Variants in NELL1 observed in about 807,000 individuals in gnomAD.
NELL1 encodes the protein protein kinase C-binding protein NELL1.
A neutral mutation model predicts 107.4 loss-of-function variants in NELL1; 76 were observed. That is an observed-to-expected ratio of 0.71 (90% CI 0.59 to 0.86). The LOEUF is 0.86. NELL1 is among the 40% of genes least tolerant of loss of function. The pLI is 0.00. For missense variants in NELL1, 1,024 were observed against 1,005.5 expected (o/e 1.02, Z -0.25); for synonymous variants, 353 against 341.2 (o/e 1.03, Z -0.38).
intron 2 of NELL1, among the ~76,000 whole-genome samples, chr11:20,683,434 A>T (rs1043375714): frequency 6.6e-6 from 1 of 152,012 alleles, no homozygotes; most frequent in Non-Finnish European, 1.5e-5. Flanking sequence ...ATAATTCCCT[A>T]TAGGTAGTGT....
At chr11:21,274,905 G>T (rs1000967793) in intron 14 of NELL1, among the ~76,000 whole-genome samples, 2 of 152,088 alleles carry the variant, frequency 1.3e-5, no homozygotes, top group African/African-American at 4.8e-5. Context: ...AAGCAGTTTG[G>T]AGAGGGAAAT....
At chr11:20,784,232 C>G (rs1264141578) in intron 3 of NELL1, among the ~76,000 whole-genome samples, 1 of 152,058 alleles carries the variant, frequency 6.6e-6, no homozygotes. Context: ...ATCACATAAG[C>G]TAGTAGGGAA....
intron 14 of NELL1, among the ~76,000 whole-genome samples, chr11:21,311,951 A>T (rs1019353878): frequency 6.6e-6 from 1 of 152,144 alleles, no homozygotes; most frequent in Non-Finnish European, 1.5e-5. Flanking sequence ...CCTTTTCAAC[A>T]GTGGGATTAG....
intron 14 of NELL1, among the ~76,000 whole-genome samples, chr11:21,304,956 A>T (rs2133631815): frequency 6.6e-6 from 1 of 152,140 alleles, no homozygotes; most frequent in African/African-American, 2.4e-5. Flanking sequence ...TACTGGTATT[A>T]GAATGATTTT....
chr11:21,352,802 G>A (rs762891214), intron 14 of NELL1, among the ~76,000 whole-genome samples: 3 of 152,056 alleles, frequency 2.0e-5, no homozygotes, highest in Non-Finnish European at 4.4e-5. Context: ...AGTCCTTGAG[G>A]CCCAAATGTT....
chr11:20,802,095 T>G (rs1033605717), intron 3 of NELL1, among the ~76,000 whole-genome samples: 1 of 152,080 alleles, frequency 6.6e-6, no homozygotes, highest in South Asian at 2.1e-4. Flanking sequence ...AGTTTAGGAT[T>G]TTTTTTTCTA....
intron 12 of NELL1, among the ~76,000 whole-genome samples, chr11:21,012,417 CCTG>C (rs1370300302): frequency 6.6e-6 from 1 of 152,062 alleles, no homozygotes; most frequent in Non-Finnish European, 1.5e-5. Flanking sequence ...TCATCAGAAA[CCTG>C]CTCACCCCCA....
intron 15 of NELL1, among the ~76,000 whole-genome samples, chr11:21,413,100 AC>A (rs1284107517): frequency 3.3e-5 from 5 of 152,184 alleles, no homozygotes; most frequent in South Asian, 2.1e-4. Context: ...AACAACAACA[AC>A]AAAAAACCCT....
intron 13 of NELL1, among the ~76,000 whole-genome samples, chr11:21,202,144 A>G (rs1366094799): frequency 1.3e-5 from 2 of 152,198 alleles, no homozygotes; most frequent in East Asian, 1.9e-4. Flanking sequence ...GCCTCATAAA[A>G]TGAGTTAGAG....
At chr11:20,853,200 G>A (rs1017088515) in intron 4 of NELL1, among the ~76,000 whole-genome samples, 2 of 152,158 alleles carry the variant, frequency 1.3e-5, no homozygotes, top group East Asian at 3.9e-4. Context: ...AAGTAGTATC[G>A]AGTTGGTAGT....
Position 21,491,982 on chromosome 11 carries a change from C to T in NELL1, c.1646-42392C>T, listed in dbSNP as rs182830640. Among the ~76,000 whole-genome samples, 259 of 151,984 alleles carry T rather than the reference C, an allele frequency of 1.7e-3. 1 individual carries two copies. Among genetic ancestry groups the T allele is most frequent in the Middle Eastern group, 3.4e-3 (1 of 294 alleles). On this transcript the variant is annotated intron_variant, in intron 15 of 19. Coordinates refer to ENST00000357134, the MANE Select transcript of NELL1 (RefSeq NM_006157.5). The stretch of plus-strand genomic sequence containing the variant: ...GCAACTGTGAATGGGAGTTCACTTT[C>T]GCAACCTACTCATCTGACAAAGGGC...
rs143548327 is a variant in NELL1 at position 20,786,377 on chromosome 11, G to T, written c.335+2547G>T. On this transcript the variant is annotated intron_variant, in intron 3 of 19. Coordinates refer to ENST00000357134, the MANE Select transcript of NELL1 (RefSeq NM_006157.5). ...AAAAAAAAAAGAAAAAAAAAGGCGG[G>T]GGGAGAAGAAAACCGTGTACAGGGG... 1.9e-3 allele frequency among the ~76,000 whole-genome samples: 281 copies of T among 151,806 alleles called. 4 individuals are homozygous for T. In the Middle Eastern group the frequency reaches 0.048, roughly 26 times the overall value.
intron 3 of NELL1, among the ~76,000 whole-genome samples, chr11:20,797,514 C>T (rs918598734): frequency 3.0e-5 from 4 of 133,098 alleles, no homozygotes; most frequent in Non-Finnish European, 6.1e-5. Flanking sequence ...TGCAGTGAGC[C>T]GAGATCGCGG....
Position 21,058,284 on chromosome 11 carries a change from G to A in NELL1, c.1301-55305G>A, listed in dbSNP as rs77241077. Among the ~76,000 whole-genome samples the A allele has an allele frequency of 8.7e-3, 1,322 of 152,216 alleles. 55 individuals are homozygous for A. In the South Asian group the frequency reaches 0.11, roughly 12 times the overall value. On this transcript the variant is annotated intron_variant, in intron 12 of 19. Transcript: ENST00000357134. ...ATTTTGAATTACTTTGCCTAAAAAT[G>A]TATTGTCTTTATATCCTCCTTCAAT...
At chr11:21,326,293 C>CT (rs575098412) in intron 14 of NELL1, among the ~76,000 whole-genome samples, 3 of 150,390 alleles carry the variant, frequency 2.0e-5, no homozygotes, top group East Asian at 2.0e-4. Context: ...TGTATGTCTT[C>CT]TTTTTTTGTT....
intron 14 of NELL1, among the ~76,000 whole-genome samples, chr11:21,351,241 G>C (rs759666402): frequency 1.3e-5 from 2 of 151,814 alleles, no homozygotes; most frequent in East Asian, 3.9e-4. Flanking sequence ...CTATCCAGCC[G>C]ACACCTTGAT....
At chr11:21,332,027 A>G (rs1210890394) in intron 14 of NELL1, among the ~76,000 whole-genome samples, 1 of 147,590 alleles carries the variant, frequency 6.8e-6, no homozygotes, top group Non-Finnish European at 1.5e-5. Context: ...CCTAGGGCTC[A>G]GTTAGTTCTA....
chr11:21,019,933 CT>C (rs1417000852), intron 12 of NELL1, among the ~76,000 whole-genome samples: 4 of 152,034 alleles, frequency 2.6e-5, no homozygotes, highest in Admixed American at 2.6e-4. Flanking sequence ...GTTCAGTTTC[CT>C]TGGAAATCTC....
intron 14 of NELL1, among the ~76,000 whole-genome samples, chr11:21,351,399 C>A (rs978469512): frequency 6.6e-6 from 1 of 151,932 alleles, no homozygotes. Flanking sequence ...TACAAGGCCT[C>A]CCAGTTCAGG....
Sources: allele counts gnomAD v4.1 joint callset (sites outside exome capture counted in the v4.1 genomes callset), GRCh38; gene constraint gnomAD v4.1.1; transcripts MANE v1.5; gene names NCBI Gene and HGNC (gene_info 2026-07-23, HGNC 2026-07-21).